ATP8A1: variants seen among roughly 807,000 people sequenced by gnomAD.
The protein encoded by ATP8A1 is ATPase phospholipid transporting 8A1.
Under a neutral mutation model 177.7 loss-of-function variants are expected in ATP8A1, and 90 were observed. That is an observed-to-expected ratio of 0.51 (90% CI 0.43 to 0.60). The LOEUF (loss-of-function observed/expected upper bound fraction) is 0.60, where lower values mean the gene tolerates loss of function less well. Ranked by LOEUF, ATP8A1 falls within the 20% of genes least tolerant of loss-of-function variation. ATP8A1 has a pLI of 0.00. For missense variants in ATP8A1, 1,072 were observed against 1,392.8 expected (o/e 0.77, Z 3.67); for synonymous variants, 493 against 485.9 (o/e 1.01, Z -0.19).
intron 19 of ATP8A1, among the ~76,000 whole-genome samples, chr4:42,547,759 G>A (rs1288341930): frequency 6.7e-6 from 1 of 150,094 alleles, no homozygotes; most frequent in African/African-American, 2.4e-5. Context: ...CAGACAGACT[G>A]CATTATTTTT....
At chr4:42,466,742 T>TGA in intron 25 of ATP8A1, among the ~76,000 whole-genome samples, 1 of 152,256 alleles carries the variant, frequency 6.6e-6, no homozygotes, top group South Asian at 2.1e-4. Context: ...AGCAGGCTAT[T>TGA]TCACTGTTAG....
intron 27 of ATP8A1, among the ~76,000 whole-genome samples, chr4:42,459,932 C>T (rs1314780599): frequency 2.0e-5 from 3 of 152,122 alleles, no homozygotes; most frequent in African/African-American, 7.2e-5. Flanking sequence ...GCTGGGACTA[C>T]AGGCGCCTGC....
intron 1 of ATP8A1, among the ~76,000 whole-genome samples, chr4:42,635,764 C>T (rs796675311): frequency 0.076 from 5,777 of 76,470 alleles, 701 homozygotes; most frequent in African/African-American, 0.24. Flanking sequence ...TACACACACA[C>T]ACACACACAC....
chr4:42,555,158 C>A (rs1468849019), intron 16 of ATP8A1, among the ~76,000 whole-genome samples: 1 of 133,170 alleles, frequency 7.5e-6, no homozygotes, highest in Non-Finnish European at 1.6e-5. Flanking sequence ...ATCTATCTAT[C>A]TATCTATCTA....
chr4:42,452,080 A>G, intron 29 of ATP8A1, 21 bp from the exon 30 acceptor site: 1 of 1,573,778 alleles, frequency 6.4e-7, no homozygotes, highest in Non-Finnish European at 8.7e-7. Context: ...ACAAAAATCC[A>G]TGAGAACCAT....
intron 29 of ATP8A1, 49 bp from the exon 30 acceptor site, chr4:42,452,108 T>G: frequency 1.7e-5 from 22 of 1,307,590 alleles, no homozygotes; most frequent in African/African-American, 2.9e-5. Flanking sequence ...AAACTAGCTC[T>G]GTGAACTCTG....
Position 42,571,920 on chromosome 4 carries a change from T to G in ATP8A1, c.1295+2699A>C, listed in dbSNP as rs537429351. Among the ~76,000 whole-genome samples the G allele has an allele frequency of 2.0e-5, 3 of 152,316 alleles. No individual in the cohort carries two copies. In the East Asian group the frequency reaches 5.8e-4, roughly 29 times the overall value. On this transcript the variant is annotated intron_variant, in intron 14 of 36. Transcript: ENST00000381668. ...TAAAATTAAATTCTGATGCACGGTT[T>G]TAAGTGTTAATTATAATTTTCTTAC...
chr4:42,524,723 T>C (rs1578104077), intron 21 of ATP8A1, 40 bp downstream of exon 21: 1 of 1,324,776 alleles, frequency 7.5e-7, no homozygotes, highest in Non-Finnish European at 1.1e-6. Flanking sequence ...ATATGATTTC[T>C]TTGTATTTTA....
chr4:42,635,780 CACAT>C (rs1345377343), intron 1 of ATP8A1, among the ~76,000 whole-genome samples: 612 of 43,456 alleles, frequency 0.014, 6 homozygotes, highest in South Asian at 0.037. Flanking sequence ...CACACACACA[CACAT>C]ATATATATAT....
At chr4:42,497,200 C>T (rs140944917) in intron 24 of ATP8A1, among the ~76,000 whole-genome samples, 1 of 152,302 alleles carries the variant, frequency 6.6e-6, no homozygotes, top group Non-Finnish European at 1.5e-5. Flanking sequence ...TTTAAGATTC[C>T]AGCACTTGCT....
chr4:42,635,694 A>G (rs35141068), intron 1 of ATP8A1, among the ~76,000 whole-genome samples: 29,786 of 147,176 alleles, frequency 0.2, 3,167 homozygotes, highest in Non-Finnish European at 0.24. Context: ...ATGTATTTGT[A>G]TATATTGTTT....
intron 1 of ATP8A1, among the ~76,000 whole-genome samples, chr4:42,636,119 TACACACACACACACACACACACAC>T (rs544619447): frequency 2.5e-5 from 2 of 79,048 alleles, no homozygotes; most frequent in African/African-American, 1.0e-4. Flanking sequence ...ATGGGCTTAA[TACACACACACACACACACACACAC>T]ACACACACAC....
At chr4:42,435,580 A>G (rs1374685259) in intron 33 of ATP8A1, among the ~76,000 whole-genome samples, 1 of 152,156 alleles carries the variant, frequency 6.6e-6, no homozygotes, top group East Asian at 1.9e-4. Context: ...TTCCCACACT[A>G]GAATGCTGGG....
At chr4:42,603,890 T>G (rs1166432597) in intron 5 of ATP8A1, among the ~76,000 whole-genome samples, 1 of 152,238 alleles carries the variant, frequency 6.6e-6, no homozygotes, top group East Asian at 1.9e-4. Flanking sequence ...CATATTATTA[T>G]GTATCAGTCC....
At chr4:42,491,022 A>G (rs540923604) in intron 24 of ATP8A1, among the ~76,000 whole-genome samples, 4 of 152,318 alleles carry the variant, frequency 2.6e-5, no homozygotes, top group African/African-American at 9.6e-5. Flanking sequence ...TGACCATTTT[A>G]AGGATTGTTG....
intron 18 of ATP8A1, 103 bp from the exon 19 acceptor site, chr4:42,549,165 A>G: frequency 1.1e-6 from 1 of 897,990 alleles, no homozygotes; most frequent in Admixed American, 2.4e-5. Flanking sequence ...ATGCCAACAC[A>G]AACAAATTTT....
At chr4:42,563,625 A>G (rs1667064012) in intron 15 of ATP8A1, among the ~76,000 whole-genome samples, 1 of 152,188 alleles carries the variant, frequency 6.6e-6, no homozygotes, top group African/African-American at 2.4e-5. Flanking sequence ...GCCTAGGAGA[A>G]AATGTTTTCA....
intron 19 of ATP8A1, among the ~76,000 whole-genome samples, chr4:42,544,663 C>T (rs912289493): frequency 4.6e-5 from 7 of 152,160 alleles, no homozygotes; most frequent in Non-Finnish European, 8.8e-5. Context: ...GAAGAAACTG[C>T]GACAGCATTA....
chr4:42,518,963 C>A (rs757465644), intron 22 of ATP8A1, among the ~76,000 whole-genome samples: 6 of 152,192 alleles, frequency 3.9e-5, no homozygotes, highest in Non-Finnish European at 8.8e-5. Flanking sequence ...AATCTGAGAT[C>A]AAGAAAGAAG....
Sources: gnomAD v4.1 joint callset for allele counts (sites outside exome capture counted in the v4.1 genomes callset) on GRCh38, gnomAD v4.1.1 for gene constraint, MANE v1.5 for transcripts, NCBI Gene and HGNC (gene_info 2026-07-23, HGNC 2026-07-21) for gene names.